The following PKIA variants were observed in gnomAD, a reference collection of about 807,000 sequenced individuals.
PKIA encodes the protein cAMP-dependent protein kinase inhibitor alpha, also known as PKI-alpha.
In PKIA, 4 loss-of-function variants were observed where a neutral mutation model predicts 7.6. That is an observed-to-expected ratio of 0.52 (90% CI 0.26 to 1.20). PKIA has a LOEUF of 1.20. Ranked by LOEUF, PKIA falls within the 50% of genes most tolerant of loss-of-function variation. The pLI, the probability that PKIA is intolerant of heterozygous loss-of-function variation, is 0.13. For missense variants in PKIA, 73 were observed against 86.2 expected, an observed-to-expected ratio of 0.85 and a Z score of 0.61; for synonymous variants, 21 against 30.7, an observed-to-expected ratio of 0.68 and a Z score of 1.04.
intron 2 of PKIA, among the ~76,000 whole-genome samples, chr8:78,581,042 TG>T (rs1208272270): frequency 8.5e-5 from 13 of 152,112 alleles, no homozygotes; most frequent in Middle Eastern, 3.4e-3. Context: ...CCAATAACAG[TG>T]AGCAAACCTA....
At chr8:78,568,943 C>G (rs1006082591) in intron 1 of PKIA, among the ~76,000 whole-genome samples, 1 of 152,098 alleles carries the variant, frequency 6.6e-6, no homozygotes, top group Admixed American at 6.6e-5. Flanking sequence ...GTTCCCCCAC[C>G]AGAGTTGTTG....
rs931509001 is a variant in PKIA, at chr8:78,555,429, CAA to C, written c.-156-17380_-156-17379del. On this transcript the variant is annotated intron_variant, in intron 1 of 3. Coordinates refer to ENST00000396418, the MANE Select transcript of PKIA (RefSeq NM_006823.4). ...AGGCTAAAGGATTGAGGTTCTCAGG[CAA>C]AGAGACAAGAGTCTGCTAGGCATCA... Among the ~76,000 whole-genome samples the C allele has an allele frequency of 3.3e-5, 5 of 151,988 alleles. No homozygotes were observed. In the South Asian group the frequency reaches 6.2e-4, roughly 19 times the overall value.
rs1217743015 is a variant in PKIA at position 78,581,330 on chromosome 8, T to C, written c.-28+8391T>C. On this transcript the variant is annotated intron_variant, in intron 2 of 3. Transcript: ENST00000396418. ...AATTTAATAAAATGGTCAATGAGTTTATATCAATATAAATAAATTGAATAC... is the reference window on the plus strand; with the variant it reads ...AATTTAATAAAATGGTCAATGAGTTCATATCAATATAAATAAATTGAATAC... Among the ~76,000 whole-genome samples the C allele has an allele frequency of 2.6e-5, 4 of 152,118 alleles. No individual in the cohort carries two copies. The East Asian group carries it at 7.7e-4, about 29-fold the overall frequency.
intron 1 of PKIA, among the ~76,000 whole-genome samples, chr8:78,524,191 AAC>A (rs1563565814): frequency 7.9e-6 from 1 of 126,718 alleles, no homozygotes; most frequent in Non-Finnish European, 1.6e-5. Flanking sequence ...TTTATATATA[AAC>A]ATTTATATTT....
chr8:78,557,071 ACCTT>A (rs971003611), intron 1 of PKIA, among the ~76,000 whole-genome samples: 2 of 152,010 alleles, frequency 1.3e-5, no homozygotes, highest in African/African-American at 2.4e-5. Flanking sequence ...TTTCCTCCTA[ACCTT>A]CCTTATCAGA....
intron 2 of PKIA, among the ~76,000 whole-genome samples, chr8:78,579,668 T>C (rs889065131): frequency 1.3e-5 from 2 of 152,060 alleles, no homozygotes; most frequent in Admixed American, 6.6e-5. Context: ...GTTTATTAAA[T>C]AACAAATGCA....
chr8:78,549,357 G>C (rs1470032910), intron 1 of PKIA, among the ~76,000 whole-genome samples: 1 of 151,744 alleles, frequency 6.6e-6, no homozygotes, highest in Non-Finnish European at 1.5e-5. Context: ...CAAAAATCTG[G>C]TTTTACAAGT....
intron 2 of PKIA, among the ~76,000 whole-genome samples, chr8:78,575,112 T>G (rs1807642575): frequency 2.0e-5 from 3 of 151,996 alleles, no homozygotes; most frequent in Admixed American, 2.0e-4. Context: ...TTTAAAAACA[T>G]TATTATATAG....
At chr8:78,546,164 G>T (rs1052642324) in intron 1 of PKIA, among the ~76,000 whole-genome samples, 2 of 152,116 alleles carry the variant, frequency 1.3e-5, no homozygotes, top group Non-Finnish European at 2.9e-5. Flanking sequence ...TTGTGTGATT[G>T]TCCTGGGGAC....
intron 1 of PKIA, among the ~76,000 whole-genome samples, chr8:78,561,154 T>C (rs1807275937): frequency 6.6e-6 from 1 of 152,196 alleles, no homozygotes; most frequent in African/African-American, 2.4e-5. Context: ...GGGCTTTAAG[T>C]ATTTTTTCTG....
At chr8:78,569,582 G>A (rs1395833300) in intron 1 of PKIA, among the ~76,000 whole-genome samples, 1 of 151,972 alleles carries the variant, frequency 6.6e-6, no homozygotes, top group Non-Finnish European at 1.5e-5. Flanking sequence ...TACTCATAAT[G>A]TTCACAATAC....
chr8:78,599,660 A>T (rs935754953), intron 3 of PKIA, among the ~76,000 whole-genome samples: 10 of 152,062 alleles, frequency 6.6e-5, no homozygotes, highest in African/African-American at 2.4e-4. Flanking sequence ...ACCAGTAGTT[A>T]CTTCCCAGAA....
rs1037359110 is a variant in PKIA, at chr8:78,582,107, G to T, written c.-28+9168G>T. ...CAGTTAAAAGCTGTTTACAATGGTAGTGGGCTTCTAGCCTAGTGGTGCTAA... is the reference window on the plus strand; with the variant it reads ...CAGTTAAAAGCTGTTTACAATGGTATTGGGCTTCTAGCCTAGTGGTGCTAA... On this transcript the variant is annotated intron_variant, in intron 2 of 3. Transcript: ENST00000396418. Among the ~76,000 whole-genome samples, 4 of 151,726 alleles carry T rather than the reference G, an allele frequency of 2.6e-5. No individual in the cohort carries two copies. The East Asian group carries it at 7.8e-4, about 30-fold the overall frequency.
chr8:78,553,897 C>G (rs1807055904), intron 1 of PKIA, among the ~76,000 whole-genome samples: 1 of 151,894 alleles, frequency 6.6e-6, no homozygotes, highest in Non-Finnish European at 1.5e-5. Flanking sequence ...ACAAAACAAA[C>G]CCAGTGGACT....
chr8:78,547,169 C>G (rs909832702), intron 1 of PKIA, among the ~76,000 whole-genome samples: 1 of 152,026 alleles, frequency 6.6e-6, no homozygotes, highest in African/African-American at 2.4e-5. Flanking sequence ...AGTGCAATGG[C>G]AACATCTCGG....
intron 1 of PKIA, among the ~76,000 whole-genome samples, chr8:78,557,229 T>A (rs909022497): frequency 6.6e-6 from 1 of 152,106 alleles, no homozygotes; most frequent in African/African-American, 2.4e-5. Context: ...AGAGTAGAAA[T>A]GATAATAACT....
intron 1 of PKIA, among the ~76,000 whole-genome samples, chr8:78,538,712 T>G (rs989592925): frequency 6.6e-6 from 1 of 152,020 alleles, no homozygotes; most frequent in African/African-American, 2.4e-5. Flanking sequence ...GTTTAGAAAT[T>G]ATTCCCCTAG....
Position 78,568,057 on chromosome 8 carries a change from G to A in PKIA, c.-156-4754G>A, listed in dbSNP as rs575293350. Among the ~76,000 whole-genome samples, 8 of 152,194 alleles carry A rather than the reference G, an allele frequency of 5.3e-5. No homozygotes were observed. In the East Asian group the frequency reaches 1.5e-3, roughly 29 times the overall value. ...GGGAGTGGTATTAGCACCAAGATCT[G>A]GGTGCTATATTTGCTCATTGTTACT... On this transcript the variant is annotated intron_variant, in intron 1 of 3. Transcript: ENST00000396418.
At chr8:78,557,192 A>G (rs1331760469) in intron 1 of PKIA, among the ~76,000 whole-genome samples, 1 of 152,212 alleles carries the variant, frequency 6.6e-6, no homozygotes, top group Non-Finnish European at 1.5e-5. Flanking sequence ...ATTAGAAGCC[A>G]CATTTTGAGG....
Sources: allele counts gnomAD v4.1 joint callset (sites outside exome capture counted in the v4.1 genomes callset), GRCh38; gene constraint gnomAD v4.1.1; transcripts MANE v1.5; gene names NCBI Gene and HGNC (gene_info 2026-07-23, HGNC 2026-07-21).